The following GLIS3 variants were observed in gnomAD, a reference collection of about 807,000 sequenced individuals.
GLIS3 encodes the protein GLIS family zinc finger 3.
Under a neutral mutation model 78.6 loss-of-function variants are expected in GLIS3, and 53 were observed. The observed-to-expected ratio is 0.67, with a 90% CI of 0.54 to 0.85. GLIS3 has a LOEUF of 0.85. Among genes scored for constraint, GLIS3 ranks in the 40% least tolerant of loss-of-function variants. The probability of loss-of-function intolerance (pLI) is 0.00; values close to 1 mark genes in which losing one functional copy is unlikely to be tolerated. For missense variants in GLIS3, 1,703 were observed against 1,231.1 expected, an observed-to-expected ratio of 1.38 and a Z score of -5.74; for synonymous variants, 684 against 509.9, an observed-to-expected ratio of 1.34 and a Z score of -4.60.
intron 2 of GLIS3, among the ~76,000 whole-genome samples, chr9:4,273,187 A>G (rs139581885): frequency 6.6e-6 from 1 of 152,318 alleles, no homozygotes; most frequent in East Asian, 1.9e-4. Flanking sequence ...GAAATGCAGC[A>G]AGGCCTTCTT....
chr9:4,344,831 T>C (rs943042727), intron 2 of GLIS3, among the ~76,000 whole-genome samples: 2 of 152,206 alleles, frequency 1.3e-5, no homozygotes, highest in Non-Finnish European at 2.9e-5. Context: ...AAATTCCTTG[T>C]CTGCTCTCTT....
rs765858803 is a variant in GLIS3 at position 4,286,240 on chromosome 9, C to T, written c.186G>A (p.Met62Ile). ...ASLANNLHLK[M>I]PSGGGMAPQN... ...GAGGAGCCATCCCTCCTCCTGAGGG[C>T]ATCTTGAGATGGAGGTTGTTAGCAA... Residue 62 changes from methionine to isoleucine, a missense_variant, in exon 2 of 11, where the codon ATG becomes ATA. Physicochemically the swap from Met to Ile is conservative, Grantham distance 10. Coordinates refer to ENST00000381971, the MANE Select transcript of GLIS3 (RefSeq NM_001042413.2). 1 of 1,614,092 alleles carries T rather than the reference C, an allele frequency of 6.2e-7. No homozygotes were observed. Among genetic ancestry groups the T allele is most frequent in the Non-Finnish European group, 8.5e-7 (1 of 1,180,034 alleles).
intron 4 of GLIS3, among the ~76,000 whole-genome samples, chr9:4,062,699 G>A (rs911097407): frequency 1.3e-4 from 20 of 152,128 alleles, no homozygotes; most frequent in Non-Finnish European, 2.9e-4. Flanking sequence ...AGGCCGAGGC[G>A]GGCGGATCAC....
At chr9:4,338,042 G>A (rs1247557503) in intron 2 of GLIS3, among the ~76,000 whole-genome samples, 1 of 72,790 alleles carries the variant, frequency 1.4e-5, no homozygotes, top group African/African-American at 3.7e-5. Flanking sequence ...GTGTGTGTGT[G>A]TGTGTGTGTG....
At chr9:4,351,766 T>G (rs976804528), upstream of GLIS3, among the ~76,000 whole-genome samples, 1 of 152,188 alleles carries the variant, frequency 6.6e-6, no homozygotes, top group East Asian at 1.9e-4. Context: ...ATTTTTAAAA[T>G]TAGTTTCTAA....
intron 2 of GLIS3, among the ~76,000 whole-genome samples, chr9:4,147,808 T>C (rs1273673423): frequency 1.5e-5 from 1 of 68,286 alleles, no homozygotes; most frequent in Non-Finnish European, 3.2e-5. Context: ...ACTTGCTGAG[T>C]TCATACCAAA....
chr9:4,438,057 T>C, the GLIS3 span, among the ~76,000 whole-genome samples: 1 of 152,194 alleles, frequency 6.6e-6, no homozygotes, highest in Admixed American at 6.5e-5. Context: ...TAACTTCCTA[T>C]GTTTTTCAAT....
the GLIS3 span, among the ~76,000 whole-genome samples, chr9:4,473,425 G>A: frequency 3.7e-5 from 5 of 134,298 alleles, no homozygotes; most frequent in African/African-American, 5.2e-5. Flanking sequence ...CAGCCTGGGC[G>A]ACAGGGCGAG....
intron 2 of GLIS3, among the ~76,000 whole-genome samples, chr9:4,181,200 A>C (rs1485152161): frequency 2.6e-5 from 4 of 152,198 alleles, no homozygotes; most frequent in African/African-American, 9.7e-5. Context: ...ATGCTCCTTT[A>C]AAGTTCCATA....
chr9:3,901,013 G>A (rs1356121653), intron 6 of GLIS3: 1 of 152,174 alleles, frequency 6.6e-6, no homozygotes, highest in African/African-American at 2.4e-5. Flanking sequence ...ATATGTTCCT[G>A]CCCTACCCTA....
chr9:3,832,210 T>C (rs1218289547), intron 9 of GLIS3, among the ~76,000 whole-genome samples: 1 of 149,486 alleles, frequency 6.7e-6, no homozygotes, highest in Non-Finnish European at 1.5e-5. Context: ...ATTTATATAA[T>C]ATATAATTTA....
chr9:4,003,795 A>G (rs1821316317), intron 4 of GLIS3, among the ~76,000 whole-genome samples: 1 of 152,342 alleles, frequency 6.6e-6, no homozygotes, highest in Admixed American at 6.5e-5. Flanking sequence ...AATAAGTGTC[A>G]ATGAAGACAG....
At chr9:3,921,609 G>C (rs1481813381) in intron 6 of GLIS3, among the ~76,000 whole-genome samples, 1 of 151,900 alleles carries the variant, frequency 6.6e-6, no homozygotes, top group African/African-American at 2.4e-5. Flanking sequence ...CTTTAGATGG[G>C]GGAGAAAAAT....
chr9:3,856,936 TGGATGATTG>T (rs1192622982), intron 8 of GLIS3, among the ~76,000 whole-genome samples: 8 of 152,176 alleles, frequency 5.3e-5, no homozygotes, highest in African/African-American at 1.9e-4. Context: ...GGATATGAAA[TGGATGATTG>T]TACATTGATC....
chr9:4,161,675 C>CTTTTTTTTT (rs55904647), intron 2 of GLIS3, among the ~76,000 whole-genome samples: 1 of 114,214 alleles, frequency 8.8e-6, no homozygotes, highest in African/African-American at 3.5e-5. Context: ...TGCTAGAAGT[C>CTTTTTTTTT]TTTTTTTTTT....
intron 4 of GLIS3, among the ~76,000 whole-genome samples, chr9:3,982,596 T>C (rs1183290384): frequency 6.6e-6 from 1 of 152,238 alleles, no homozygotes; most frequent in Non-Finnish European, 1.5e-5. Flanking sequence ...ATTTGCTATA[T>C]ATTTAATATC....
chr9:4,212,135 C>T (rs561291435), intron 2 of GLIS3, among the ~76,000 whole-genome samples: 137 of 152,246 alleles, frequency 9.0e-4, no homozygotes, highest in Non-Finnish European at 1.5e-3. Context: ...TCATATGCAT[C>T]GAGTGGGTGA....
At chr9:4,405,728 G>A in the GLIS3 span, among the ~76,000 whole-genome samples, 18 of 151,356 alleles carry the variant, frequency 1.2e-4, no homozygotes, top group South Asian at 3.8e-3. Flanking sequence ...TACAAAGCCA[G>A]TATTACCCTG....
chr9:4,468,130 G>A, the GLIS3 span, among the ~76,000 whole-genome samples: 1 of 152,214 alleles, frequency 6.6e-6, no homozygotes, highest in Admixed American at 6.5e-5. Context: ...CAAGAAATAT[G>A]GGACTATGTG....
Sources: allele counts gnomAD v4.1 joint callset (sites outside exome capture counted in the v4.1 genomes callset), GRCh38; gene constraint gnomAD v4.1.1; transcripts MANE v1.5; gene names NCBI Gene and HGNC (gene_info 2026-07-23, HGNC 2026-07-21).